The following CA10 variants were observed in gnomAD, a reference collection of about 807,000 sequenced individuals.
CA10 encodes carbonic anhydrase-related protein 10.
CA10 carries 14 observed loss-of-function variants against 44.2 expected under a neutral mutation model. That is an observed-to-expected ratio of 0.32 (90% CI 0.21 to 0.50). The LOEUF (loss-of-function observed/expected upper bound fraction) is 0.50, where lower values mean the gene tolerates loss of function less well. CA10 is among the 20% of genes least tolerant of loss of function. CA10 has a pLI of 0.99. For missense variants in CA10, 350 were observed against 409.7 expected (o/e 0.85, Z 1.26); for synonymous variants, 159 against 141.6 (o/e 1.12, Z -0.87).
intron 4 of CA10, among the ~76,000 whole-genome samples, chr17:51,684,481 C>A (rs1914944926): frequency 6.6e-6 from 1 of 152,118 alleles, no homozygotes; most frequent in Non-Finnish European, 1.5e-5. Context: ...TAGCAGGGCA[C>A]CTAGCATCTG....
chr17:51,929,984 G>T (rs1982586691), intron 3 of CA10, among the ~76,000 whole-genome samples: 1 of 152,120 alleles, frequency 6.6e-6, no homozygotes, highest in Non-Finnish European at 1.5e-5. Flanking sequence ...ACAGCTTTTT[G>T]ATGAGTCATT....
intron 1 of CA10, among the ~76,000 whole-genome samples, chr17:52,090,100 C>T (rs146237067): frequency 6.3e-4 from 96 of 152,146 alleles, no homozygotes; most frequent in African/African-American, 1.3e-3. Flanking sequence ...TAACTGTAAA[C>T]GTGTTTTTAA....
At chr17:51,793,771 G>T (rs1197348377) in intron 3 of CA10, among the ~76,000 whole-genome samples, 1 of 152,226 alleles carries the variant, frequency 6.6e-6, no homozygotes, top group Non-Finnish European at 1.5e-5. Flanking sequence ...GATGTTTGGT[G>T]TTCCTTGTGC....
At chr17:52,010,499 C>T (rs1385248272) in intron 2 of CA10, among the ~76,000 whole-genome samples, 2 of 151,828 alleles carry the variant, frequency 1.3e-5, no homozygotes, top group Non-Finnish European at 2.9e-5. Context: ...TGGAGATTAT[C>T]AATCTAAGGG....
At chr17:51,961,336 C>G (rs910217569) in intron 2 of CA10, among the ~76,000 whole-genome samples, 1 of 151,830 alleles carries the variant, frequency 6.6e-6, no homozygotes, top group African/African-American at 2.4e-5. Context: ...AGTTACAGCA[C>G]TAAATACTGA....
chr17:52,110,149 C>T (rs947471303), intron 1 of CA10, among the ~76,000 whole-genome samples: 2 of 152,206 alleles, frequency 1.3e-5, no homozygotes, highest in Non-Finnish European at 2.9e-5. Context: ...AAAATCTCTA[C>T]AGTCATGTTT....
intron 4 of CA10, among the ~76,000 whole-genome samples, chr17:51,677,798 C>CG (rs1243396152): frequency 6.6e-6 from 1 of 151,838 alleles, no homozygotes; most frequent in African/African-American, 2.4e-5. Flanking sequence ...GTGCTTGGTA[C>CG]GGGGTAAGCA....
chr17:51,783,372 G>A (rs1454473799), intron 3 of CA10, among the ~76,000 whole-genome samples: 1 of 152,132 alleles, frequency 6.6e-6, no homozygotes, highest in East Asian at 1.9e-4. Context: ...ACTTATTAAT[G>A]GCTAAATAAA....
chr17:51,891,901 C>G (rs367621893), intron 3 of CA10, among the ~76,000 whole-genome samples: 1 of 152,206 alleles, frequency 6.6e-6, no homozygotes, highest in African/African-American at 2.4e-5. Flanking sequence ...CTACATCTCA[C>G]CGGTGAGGAA....
chr17:52,006,812 C>T (rs1186782842), intron 2 of CA10, among the ~76,000 whole-genome samples: 1 of 151,428 alleles, frequency 6.6e-6, no homozygotes, highest in Non-Finnish European at 1.5e-5. Flanking sequence ...ATTCTTGGAC[C>T]CTCTTGGAAT....
chr17:51,876,453 G>A (rs1980086045), intron 3 of CA10, among the ~76,000 whole-genome samples: 1 of 151,546 alleles, frequency 6.6e-6, no homozygotes, highest in Admixed American at 6.6e-5. Flanking sequence ...AGAGTGCTGG[G>A]ATTACAGCAT....
At chr17:51,708,362 C>G (rs1392533707) in intron 4 of CA10, among the ~76,000 whole-genome samples, 1 of 152,158 alleles carries the variant, frequency 6.6e-6, no homozygotes, top group Non-Finnish European at 1.5e-5. Context: ...TTTTCAATAT[C>G]AATATGCAAC....
chr17:51,885,798 T>C (rs1980573591), intron 3 of CA10, among the ~76,000 whole-genome samples: 1 of 152,222 alleles, frequency 6.6e-6, no homozygotes, highest in African/African-American at 2.4e-5. Context: ...GTGCTTGGAC[T>C]GTAACAGCTG....
intron 1 of CA10, among the ~76,000 whole-genome samples, chr17:52,141,231 C>G (rs114925234): frequency 0.012 from 1,778 of 152,194 alleles, 20 homozygotes; most frequent in African/African-American, 0.029. Context: ...GCAAAGGGAG[C>G]TTTATAAATG....
At chr17:51,800,562 C>A (rs1225630758) in intron 3 of CA10, among the ~76,000 whole-genome samples, 1 of 152,058 alleles carries the variant, frequency 6.6e-6, no homozygotes, top group Middle Eastern at 3.2e-3. Flanking sequence ...CAGCACAGTA[C>A]CTTACAACCT....
intron 1 of CA10, among the ~76,000 whole-genome samples, chr17:52,140,950 A>G (rs148168211): frequency 1.3e-5 from 2 of 152,310 alleles, no homozygotes; most frequent in Non-Finnish European, 2.9e-5. Flanking sequence ...GCCTGTCTCA[A>G]TCATCAGGGG....
At chr17:51,919,184 T>A (rs1279025469) in intron 3 of CA10, among the ~76,000 whole-genome samples, 2 of 152,232 alleles carry the variant, frequency 1.3e-5, no homozygotes, top group Non-Finnish European at 2.9e-5. Flanking sequence ...TTTATTTTAA[T>A]TTTCCAACCA....
chr17:51,928,926 C>T lies in CA10; in HGVS notation c.279+2064G>A, dbSNP rs1308277617. On this transcript the variant is annotated intron_variant, in intron 3 of 8. Coordinates refer to ENST00000451037, the MANE Select transcript of CA10 (RefSeq NM_020178.5). ...TTTTATTTTCTACCTTTCACAAATG[C>T]AAAAGGAACCATCAGACAGTTCTCA... Among the ~76,000 whole-genome samples, 5 of 152,124 alleles carry T rather than the reference C, an allele frequency of 3.3e-5. No homozygotes were observed. The East Asian group carries it at 9.6e-4, about 29-fold the overall frequency.
chr17:51,972,873 T>C (rs1198432477), intron 2 of CA10, among the ~76,000 whole-genome samples: 1 of 151,908 alleles, frequency 6.6e-6, no homozygotes, highest in Non-Finnish European at 1.5e-5. Flanking sequence ...ACCATCCAAA[T>C]GCTACCTATA....
Sources: gnomAD v4.1 joint callset for allele counts (sites outside exome capture counted in the v4.1 genomes callset) on GRCh38, gnomAD v4.1.1 for gene constraint, MANE v1.5 for transcripts, NCBI Gene and HGNC (gene_info 2026-07-23, HGNC 2026-07-21) for gene names.